The following ROS1 variants were observed in gnomAD, a reference collection of about 807,000 sequenced individuals.
The protein encoded by ROS1 is proto-oncogene tyrosine-protein kinase ROS.
In ROS1, 263 loss-of-function variants were observed where a neutral mutation model predicts 273.5. The ratio of observed to expected loss-of-function variants is 0.96; its 90% CI spans 0.87 to 1.06. ROS1 has a LOEUF of 1.06. ROS1 is among the 50% of genes least tolerant of loss of function. The pLI, the probability that ROS1 is intolerant of heterozygous loss-of-function variation, is 0.00. For synonymous variants in ROS1, 1,008 were observed against 954.1 expected, an observed-to-expected ratio of 1.06 and a Z score of -1.04; for missense variants, 2,833 against 2,751.1, an observed-to-expected ratio of 1.03 and a Z score of -0.67.
At chr6:117,315,290 A>G (rs1775840222) in intron 39 of ROS1, among the ~76,000 whole-genome samples, 1 of 152,152 alleles carries the variant, frequency 6.6e-6, no homozygotes, top group South Asian at 2.1e-4. Flanking sequence ...GCAGTCCGTT[A>G]TAACAGGATT....
At chr6:117,385,940 C>T in intron 15 of ROS1, 79 bp from the exon 16 acceptor site, 2 of 1,070,628 alleles carry the variant, frequency 1.9e-6, no homozygotes, top group Non-Finnish European at 2.8e-6. Flanking sequence ...ATCACATCTG[C>T]ACCTCAACAT....
intron 39 of ROS1, among the ~76,000 whole-genome samples, chr6:117,316,752 A>G (rs771594370): frequency 1.3e-5 from 2 of 152,138 alleles, no homozygotes; most frequent in Admixed American, 6.6e-5. Context: ...AGATATGTCA[A>G]CTAGAGAGGG....
At chr6:117,408,742 C>G in intron 5 of ROS1, among the ~76,000 whole-genome samples, 1 of 152,120 alleles carries the variant, frequency 6.6e-6, no homozygotes, top group East Asian at 1.9e-4. Flanking sequence ...ATAAATCATG[C>G]TGCTATAAAG....
intron 7 of ROS1, among the ~76,000 whole-genome samples, chr6:117,397,545 G>A (rs1451847112): frequency 1.3e-5 from 2 of 152,180 alleles, no homozygotes; most frequent in Non-Finnish European, 2.9e-5. Context: ...TCATTTGAGT[G>A]GGGCAGCCTT....
intron 34 of ROS1, among the ~76,000 whole-genome samples, chr6:117,325,189 G>C (rs894709420): frequency 6.6e-6 from 1 of 152,114 alleles, no homozygotes; most frequent in Non-Finnish European, 1.5e-5. Context: ...GCATGTGAGT[G>C]TATAAAATGC....
In ROS1 at chr6:117,353,082, G is replaced by A; in HGVS notation, c.4211C>T (p.Ala1404Val). ...AACGATGGCCCCATTTCCTTTCTTT[G>A]CCTGATAAATCTGTGTGCTGTCCTT... is the stretch of plus-strand genomic sequence containing the variant. ...TAKDSTQIYQ[A>V]KKGNGAIVSQ... Residue 1404 changes from alanine (A) to valine (V), a missense_variant, in exon 27 of 44, where the codon GCA (alanine) becomes GTA (valine). Coordinates refer to ENST00000368507, the MANE Select transcript of ROS1 (RefSeq NM_001378902.1). 1 of 1,613,984 alleles carries A rather than the reference G, an allele frequency of 6.2e-7. No homozygotes were observed. The highest frequency in any genetic ancestry group is 8.5e-7 in the Non-Finnish European group (1 of 1,179,942).
rs146944381 is a variant in ROS1 at position 117,423,017 on chromosome 6, T to C, written c.123+2517A>G. On this transcript the variant is annotated intron_variant, in intron 1 of 43. Transcript: ENST00000368507. ...TATTAGTTCCTCAGTTGTTGTGATT[T>C]GTTAATTCAAAAAAAAAAGGGGGTT... 7.9e-4 allele frequency among the ~76,000 whole-genome samples: 120 copies of C among 151,758 alleles called. 1 individual carries two copies. In the East Asian group the frequency reaches 0.017, roughly 21 times the overall value.
chr6:117,357,991 C>A lies in ROS1; in HGVS notation c.3652G>T (p.Val1218Phe), dbSNP rs748591196. 3.1e-6 allele frequency: 5 copies of A among 1,612,774 alleles called. No individual in the cohort carries two copies. The Admixed American group carries it at 8.3e-5, about 27-fold the overall frequency. The stretch of plus-strand genomic sequence containing the variant: ...ATTGTAATAACTGTGATATCAAAAA[C>A]CAGTGAATCTTGGAAAAGCTTAACA... ...SSSELFQDSLVFDITVITIDW... is the reference protein window; with the variant it reads ...SSSELFQDSLFFDITVITIDW... Residue 1218 changes from valine (V) to phenylalanine (F), a missense_variant, in exon 25 of 44, where the codon GTT (valine) becomes TTT (phenylalanine). Coordinates refer to ENST00000368507, the MANE Select transcript of ROS1 (RefSeq NM_001378902.1).
chr6:117,308,419 G>C (rs1775274870), intron 42 of ROS1, among the ~76,000 whole-genome samples: 1 of 151,898 alleles, frequency 6.6e-6, no homozygotes, highest in African/African-American at 2.4e-5. Context: ...TTAATATGTA[G>C]ATTAAGATAC....
chr6:117,321,904 A>AG (rs1261802905), intron 35 of ROS1, among the ~76,000 whole-genome samples: 3 of 146,052 alleles, frequency 2.1e-5, no homozygotes, highest in Non-Finnish European at 4.5e-5. Flanking sequence ...TCGAATATGT[A>AG]GAAAAAGTAT....
intron 31 of ROS1, among the ~76,000 whole-genome samples, chr6:117,339,826 G>C (rs1554229667): frequency 6.6e-6 from 1 of 152,126 alleles, no homozygotes. Flanking sequence ...AAACTTGAAA[G>C]AGTGGGATGG....
At chr6:117,330,238 C>T (rs1776982933) in intron 32 of ROS1, among the ~76,000 whole-genome samples, 1 of 152,090 alleles carries the variant, frequency 6.6e-6, no homozygotes, top group African/African-American at 2.4e-5. Flanking sequence ...GTCTAACCCT[C>T]ACCCATCCTT....
chr6:117,354,142 G>A (rs1779099414), intron 26 of ROS1, among the ~76,000 whole-genome samples: 1 of 152,086 alleles, frequency 6.6e-6, no homozygotes, highest in Admixed American at 6.6e-5. Flanking sequence ...CTTGAGCCCA[G>A]GAATTCAAGA....
chr6:117,357,560 A>ATTGT (rs1177100883), intron 25 of ROS1, among the ~76,000 whole-genome samples: 1 of 152,178 alleles, frequency 6.6e-6, no homozygotes, highest in African/African-American at 2.4e-5. Flanking sequence ...AAAATCTGCT[A>ATTGT]TTGTTTCCTT....
intron 21 of ROS1, 107 bp from the exon 22 acceptor site, chr6:117,362,972 A>T (rs2039967817): frequency 2.0e-6 from 2 of 979,688 alleles, no homozygotes; most frequent in Non-Finnish European, 2.9e-6. Flanking sequence ...AATATTTCTC[A>T]TTCCAGGCAG....
intron 3 of ROS1, among the ~76,000 whole-genome samples, chr6:117,415,406 T>C (rs1303934524): frequency 1.3e-5 from 2 of 152,240 alleles, no homozygotes; most frequent in Non-Finnish European, 2.9e-5. Flanking sequence ...AACTCATTAA[T>C]AGAAAATGAC....
chr6:117,424,376 C>G (rs1046985032), intron 1 of ROS1, among the ~76,000 whole-genome samples: 1 of 151,430 alleles, frequency 6.6e-6, no homozygotes, highest in Admixed American at 6.6e-5. Flanking sequence ...ATTACTAGGG[C>G]TAGAATTAGA....
intron 32 of ROS1, among the ~76,000 whole-genome samples, chr6:117,330,903 G>A (rs1413658671): frequency 6.6e-6 from 1 of 152,150 alleles, no homozygotes; most frequent in Non-Finnish European, 1.5e-5. Flanking sequence ...TGAAAAAAAT[G>A]CTGAAAACCC....
chr6:117,310,587 C>T (rs1775465802), intron 40 of ROS1, among the ~76,000 whole-genome samples: 1 of 152,046 alleles, frequency 6.6e-6, no homozygotes, highest in African/African-American at 2.4e-5. Flanking sequence ...GTTCCCCTCC[C>T]TGTGTCCATG....
Sources: allele counts gnomAD v4.1 joint callset (sites outside exome capture counted in the v4.1 genomes callset), GRCh38; gene constraint gnomAD v4.1.1; transcripts MANE v1.5; gene names NCBI Gene and HGNC (gene_info 2026-07-23, HGNC 2026-07-21).